The following CBLL1 variants were observed in gnomAD, a reference collection of about 807,000 sequenced individuals.
The protein encoded by CBLL1 is Cbl proto-oncogene like 1.
Under a neutral mutation model 44.9 loss-of-function variants are expected in CBLL1, and 4 were observed. The ratio of observed to expected loss-of-function variants is 0.09; its 90% CI spans 0.04 to 0.20. CBLL1 has a LOEUF of 0.20. CBLL1 is among the 10% of genes least tolerant of loss of function. CBLL1 has a pLI of 1.00. For missense variants in CBLL1, 569 were observed against 636.7 expected, an observed-to-expected ratio of 0.89 and a Z score of 1.14; for synonymous variants, 235 against 202.2, an observed-to-expected ratio of 1.16 and a Z score of -1.38.
At chr7:107,753,122 T>G (rs1399836578) in intron 2 of CBLL1, among the ~76,000 whole-genome samples, 2 of 152,140 alleles carry the variant, frequency 1.3e-5, no homozygotes, top group African/African-American at 4.8e-5. Context: ...TGAATGGGAG[T>G]CAAGAGATCT....
chr7:107,746,399 TTACC>T (rs1246401526), intron 1 of CBLL1, among the ~76,000 whole-genome samples: 1 of 127,940 alleles, frequency 7.8e-6, no homozygotes, highest in Non-Finnish European at 1.7e-5. Flanking sequence ...CACTAGCTTC[TTACC>T]TATTTTATTT....
At position 107,749,027 on chromosome 7, in the gene CBLL1, A is replaced by G. The variant is rs1793141759; in HGVS notation, c.161A>G (p.Lys54Arg). 1.9e-6 allele frequency: 3 copies of G among 1,613,912 alleles called. No individual in the cohort carries two copies. The highest frequency in any genetic ancestry group is 2.7e-5 in the African/African-American group (2 of 74,920). Residue 54 changes from lysine (K) to arginine (R), a missense_variant, in exon 2 of 6, where the codon AAG (lysine) becomes AGG (arginine). This residue lies in a region of CBLL1 where 209 missense variants were observed against 202.8 expected (regional missense o/e 1.03). Transcript: ENST00000440859. ...AGAACTATAAACAGGATGCCTGCAA[A>G]GGCTCCACCTGGTGATGAAGGTAAT... ...TQRTINRMPA[K>R]APPGDEEGFD...
In CBLL1 at chr7:107,758,044, A is replaced by G; in HGVS notation, c.441-99A>G. 2 of 1,069,802 alleles carry G rather than the reference A, an allele frequency of 1.9e-6. No homozygotes were observed. Among genetic ancestry groups the G allele is most frequent in the South Asian group, 1.7e-5 (1 of 59,350 alleles). The allele number at this position is 1,069,802 out of a possible 1,614,324, so 66.3% of individuals were successfully genotyped here. A position where few individuals can be genotyped will look rare whatever the true frequency, so the allele number is the denominator to read the frequency against. The stretch of plus-strand genomic sequence containing the variant: ...TAATTGTGGACTTTTGCTATGTTTT[A>G]TGTAACAGTCAAATTTTAAAAACAA... On this transcript the variant is annotated intron_variant, in intron 5 of 5. Transcript: ENST00000440859. This position sits in a 1 kb window ranked among gnomAD's most constrained non-coding sequence, Gnocchi z 4.2.
Position 107,749,054 on chromosome 7 carries a change from T to C in CBLL1, c.181+7T>C. 1.2e-6 allele frequency: 2 copies of C among 1,613,676 alleles called. No homozygotes were observed. The highest frequency in any genetic ancestry group is 1.7e-6 in the Non-Finnish European group (2 of 1,179,762). ...GCTCCACCTGGTGATGAAGGTAATT[T>C]GTTTAACTAATAGGTCCAACACTCT... On this transcript the variant is annotated splice_region_variant and intron_variant, in intron 2 of 5. Coordinates refer to ENST00000440859, the MANE Select transcript of CBLL1 (RefSeq NM_024814.4).
intron 1 of CBLL1, among the ~76,000 whole-genome samples, chr7:107,748,001 T>G (rs570034680): frequency 6.6e-6 from 1 of 152,334 alleles, no homozygotes; most frequent in East Asian, 1.9e-4. Context: ...GTAGGTCAAG[T>G]TAAATATTTT....
chr7:107,755,130 GA>G, intron 4 of CBLL1, among the ~76,000 whole-genome samples: 1 of 151,908 alleles, frequency 6.6e-6, no homozygotes, highest in Admixed American at 6.6e-5. Context: ...TAAAAAAAAG[GA>G]AAAAAACGTG....
intron 1 of CBLL1, chr7:107,744,388 A>G: frequency 1.8e-6 from 1 of 546,148 alleles, no homozygotes; most frequent in Non-Finnish European, 3.1e-6. Context: ...CCGTGCCGGC[A>G]ACAACCGCTC....
intron 1 of CBLL1, among the ~76,000 whole-genome samples, chr7:107,748,591 A>C (rs934843508): frequency 3.3e-5 from 5 of 152,152 alleles, no homozygotes; most frequent in African/African-American, 1.2e-4. Context: ...ATGTTTCTGT[A>C]AACTTCTCTG....
At chr7:107,753,740 T>C (rs1793410857) in intron 3 of CBLL1, among the ~76,000 whole-genome samples, 155 bp from the exon 4 acceptor site, 1 of 152,136 alleles carries the variant, frequency 6.6e-6, no homozygotes. Flanking sequence ...ACTAATGGTA[T>C]CACAACTAAT....
chr7:107,753,282 T>C (rs929832547), intron 2 of CBLL1, 129 bp from the exon 3 acceptor site: 5 of 594,340 alleles, frequency 8.4e-6, no homozygotes, highest in Non-Finnish European at 1.5e-5. Flanking sequence ...GATTGTCTTA[T>C]TCTTAGAAAA....
intron 1 of CBLL1, among the ~76,000 whole-genome samples, chr7:107,746,821 C>T (rs561091685): frequency 6.6e-6 from 1 of 152,284 alleles, no homozygotes; most frequent in South Asian, 2.1e-4. Context: ...TGGATTTATT[C>T]TTTGGTCATT....
At chr7:107,750,394 C>G (rs1793231755) in intron 2 of CBLL1, among the ~76,000 whole-genome samples, 1 of 151,728 alleles carries the variant, frequency 6.6e-6, no homozygotes, top group Admixed American at 6.6e-5. Flanking sequence ...CAAGCTCTGC[C>G]TCCCAGGTTC....
chr7:107,757,535 T>C (rs140349170), intron 5 of CBLL1, among the ~76,000 whole-genome samples: 2 of 152,316 alleles, frequency 1.3e-5, no homozygotes, highest in African/African-American at 4.8e-5. Flanking sequence ...AATTTAGTGC[T>C]CACAAATTAG....
Position 107,748,958 on chromosome 7 carries a change from T to C in CBLL1, c.92T>C (p.Ile31Thr), listed in dbSNP as rs1793136889. Residue 31 changes from isoleucine to threonine, a missense_variant, in exon 2 of 6, where the codon ATC becomes ACC. Ile to Thr is a moderately conservative substitution (Grantham distance 89, BLOSUM62 -1). Coordinates refer to ENST00000440859, the MANE Select transcript of CBLL1 (RefSeq NM_024814.4). ...CGCAGACGAATTCCTATAAAGCTCA[T>C]CTCCAAACAAGCAAACAAAGCGAAA... ...DVRRRIPIKL[I>T]SKQANKAKPA... is the part of the protein sequence containing the mutation. 1 of 1,614,108 alleles carries C rather than the reference T, an allele frequency of 6.2e-7. No individual in the cohort carries two copies.
At chr7:107,750,297 T>C (rs1251994444) in intron 2 of CBLL1, among the ~76,000 whole-genome samples, 4 of 152,048 alleles carry the variant, frequency 2.6e-5, no homozygotes, top group African/African-American at 7.2e-5. Flanking sequence ...ATACAAAATA[T>C]TTATTGCAGA....
rs1793697264 is a variant in CBLL1 at position 107,759,823 on chromosome 7, G to A, written c.*645G>A. The A allele has an allele frequency of 6.6e-6, 1 of 152,262 alleles. No individual in the cohort carries two copies. The highest frequency in any genetic ancestry group is 6.6e-5 in the Admixed American group (1 of 15,266). 9.4% of individuals were successfully genotyped at this position (152,262 alleles called of 1,614,324 possible). A position where few individuals can be genotyped will look rare whatever the true frequency, so the allele number is the denominator to read the frequency against. On this transcript the variant is annotated 3_prime_UTR_variant, in exon 6 of 6. Coordinates refer to ENST00000440859, the MANE Select transcript of CBLL1 (RefSeq NM_024814.4). ...TTGGATGCCTTTTCATTTTTAGGCA[G>A]CCTCAGGAGCACCAAAATACATTGG...
Position 107,759,738 on chromosome 7 carries a change from A to G in CBLL1, c.*560A>G, listed in dbSNP as rs1296006348. 1 of 152,780 alleles carries G rather than the reference A, an allele frequency of 6.5e-6. No homozygotes were observed. The highest frequency in any genetic ancestry group is 1.5e-5 in the Non-Finnish European group (1 of 68,340). 9.5% of individuals were successfully genotyped at this position (152,780 alleles called of 1,614,324 possible). A position where few individuals can be genotyped will look rare whatever the true frequency, so the allele number is the denominator to read the frequency against. On this transcript the variant is annotated 3_prime_UTR_variant, in exon 6 of 6. Coordinates refer to ENST00000440859, the MANE Select transcript of CBLL1 (RefSeq NM_024814.4). The stretch of plus-strand genomic sequence containing the variant: ...CTGTTAAATGATAGAGAATTATTTC[A>G]CATTTTAGGCACTGAAATGTTGAGG...
intron 1 of CBLL1, among the ~76,000 whole-genome samples, chr7:107,746,630 C>A (rs1177289410): frequency 3.3e-5 from 5 of 152,184 alleles, no homozygotes; most frequent in African/African-American, 1.2e-4. Flanking sequence ...GGATAGGCAT[C>A]TCAAAAGAAT....
chr7:107,754,276 G>A (rs1452946128), intron 4 of CBLL1: 2 of 169,808 alleles, frequency 1.2e-5, no homozygotes, highest in African/African-American at 4.8e-5. Context: ...GGAAATTTTT[G>A]TTTCTTAATA....
Sources: gnomAD v4.1 joint callset for allele counts (sites outside exome capture counted in the v4.1 genomes callset) on GRCh38, gnomAD v4.1.1 for gene constraint, gnomAD v4.1.1 regional missense constraint, Gnocchi (gnomAD v3.1) non-coding constraint, MANE v1.5 for transcripts, NCBI Gene and HGNC (gene_info 2026-07-23, HGNC 2026-07-21) for gene names.